ANKS1B: variants seen among roughly 807,000 people sequenced by gnomAD.
ANKS1B encodes the protein ankyrin repeat and sterile alpha motif domain containing 1B.
In ANKS1B, 36 loss-of-function variants were observed where a neutral mutation model predicts 148.3. That is an observed-to-expected ratio of 0.24 (90% confidence interval 0.19 to 0.32). The LOEUF is 0.32. Among genes scored for constraint, ANKS1B ranks in the 10% least tolerant of loss-of-function variants. ANKS1B has a pLI of 1.00. For synonymous variants in ANKS1B, 542 were observed against 560.8 expected (o/e 0.97, Z 0.47); for missense variants, 1,157 against 1,542.6 (o/e 0.75, Z 4.19).
intron 9 of ANKS1B, among the ~76,000 whole-genome samples, chr12:99,561,266 C>G (rs915644984): frequency 1.3e-5 from 2 of 152,196 alleles, no homozygotes; most frequent in African/African-American, 4.8e-5. Flanking sequence ...AGCAGAACTT[C>G]TTTCAAAATC....
chr12:99,134,772 T>C (rs1379147639), intron 15 of ANKS1B, among the ~76,000 whole-genome samples: 1 of 151,608 alleles, frequency 6.6e-6, no homozygotes, highest in Non-Finnish European at 1.5e-5. Flanking sequence ...TTAAAAAGCC[T>C]TTCTGGGGAG....
intron 17 of ANKS1B, among the ~76,000 whole-genome samples, chr12:98,975,470 T>C (rs1053481894): frequency 1.7e-4 from 26 of 152,134 alleles, no homozygotes; most frequent in African/African-American, 4.8e-4. Context: ...CGAATGTTTT[T>C]TGAGTGACTA....
chr12:99,632,768 T>TATATA (rs1282777183), intron 9 of ANKS1B, among the ~76,000 whole-genome samples: 1 of 100,424 alleles, frequency 1.0e-5, no homozygotes, highest in African/African-American at 3.4e-5. Context: ...TATATATATA[T>TATATA]TTTAATTATA....
intron 8 of ANKS1B, among the ~76,000 whole-genome samples, chr12:99,740,459 C>T (rs1228979768): frequency 1.3e-5 from 2 of 152,164 alleles, no homozygotes; most frequent in Non-Finnish European, 2.9e-5. Context: ...GGCTTACACA[C>T]AGCATGTCAG....
intron 25 of ANKS1B, among the ~76,000 whole-genome samples, chr12:98,753,718 G>T (rs1460312342): frequency 6.6e-6 from 1 of 152,166 alleles, no homozygotes; most frequent in Admixed American, 6.6e-5. Context: ...AAGCCACCGT[G>T]CCTGACCATC....
chr12:99,896,816 C>G (rs73376116), intron 1 of ANKS1B, among the ~76,000 whole-genome samples: 1 of 151,202 alleles, frequency 6.6e-6, no homozygotes, highest in Non-Finnish European at 1.5e-5. Flanking sequence ...TCTGTGCCTA[C>G]GGAATAGAAG....
chr12:99,929,924 G>C (rs2153807195), intron 1 of ANKS1B, among the ~76,000 whole-genome samples: 1 of 152,114 alleles, frequency 6.6e-6, no homozygotes, highest in South Asian at 2.1e-4. Context: ...TTTGAAGTCA[G>C]GTAGCATGAT....
intron 15 of ANKS1B, among the ~76,000 whole-genome samples, chr12:99,129,682 GTTAAAACT>G (rs2065522552): frequency 1.3e-5 from 2 of 152,146 alleles, no homozygotes; most frequent in Admixed American, 1.3e-4. Flanking sequence ...GAAAAACTGG[GTTAAAACT>G]TTAAAGTCTT....
At chr12:99,195,736 A>G (rs1400742790) in intron 14 of ANKS1B, among the ~76,000 whole-genome samples, 1 of 152,136 alleles carries the variant, frequency 6.6e-6, no homozygotes, top group Non-Finnish European at 1.5e-5. Flanking sequence ...TAAATGACAC[A>G]CTTTGCTCCT....
intron 9 of ANKS1B, among the ~76,000 whole-genome samples, chr12:99,625,355 C>G (rs1425335054): frequency 6.6e-6 from 1 of 151,974 alleles, no homozygotes; most frequent in Non-Finnish European, 1.5e-5. Context: ...ATTCTTGTAG[C>G]AAATCTGCAC....
At chr12:99,426,362 C>T (rs1401213006) in intron 11 of ANKS1B, among the ~76,000 whole-genome samples, 1 of 151,882 alleles carries the variant, frequency 6.6e-6, no homozygotes, top group Non-Finnish European at 1.5e-5. Flanking sequence ...ATATAAAATA[C>T]TTTTGGATCT....
intron 1 of ANKS1B, among the ~76,000 whole-genome samples, chr12:99,931,044 G>C (rs1402437161): frequency 6.6e-6 from 1 of 152,150 alleles, no homozygotes; most frequent in South Asian, 2.1e-4. Flanking sequence ...CCTTTGTAGG[G>C]ACATGGATGA....
rs1014111932 is a variant in ANKS1B, at chr12:99,838,111, C to G, written c.135-12722G>C. Among the ~76,000 whole-genome samples the G allele has an allele frequency of 2.6e-5, 4 of 152,046 alleles. No homozygotes were observed. In the East Asian group the frequency reaches 7.7e-4, roughly 29 times the overall value. Reference sequence around the variant, plus strand: ...GTTGCCAAAGACATTATTTCATTCTCTTTTACAGCTGTATAGTATCCCATT... The same window carrying G: ...GTTGCCAAAGACATTATTTCATTCTGTTTTACAGCTGTATAGTATCCCATT... On this transcript the variant is annotated intron_variant, in intron 1 of 26. Transcript: ENST00000683438.
intron 12 of ANKS1B, among the ~76,000 whole-genome samples, chr12:99,375,494 G>A (rs182063570): frequency 2.0e-5 from 3 of 152,244 alleles, no homozygotes; most frequent in African/African-American, 7.2e-5. Flanking sequence ...ATTAGAAAAT[G>A]TACTTAGCTT....
chr12:99,437,436 A>G (rs2095479632), intron 11 of ANKS1B, among the ~76,000 whole-genome samples: 1 of 151,954 alleles, frequency 6.6e-6, no homozygotes, highest in Non-Finnish European at 1.5e-5. Flanking sequence ...TATGCTCATT[A>G]TGCTAAAAAT....
chr12:99,369,920 A>G (rs1044220383), intron 12 of ANKS1B, among the ~76,000 whole-genome samples: 1 of 151,976 alleles, frequency 6.6e-6, no homozygotes, highest in Non-Finnish European at 1.5e-5. Flanking sequence ...TAACTCTTGA[A>G]TGTAGGTTGT....
At chr12:99,154,721 G>T (rs1228197776) in intron 14 of ANKS1B, 2 of 1,439,006 alleles carry the variant, frequency 1.4e-6, no homozygotes, top group East Asian at 5.0e-5. Context: ...GCTTGGGCTG[G>T]TCTGCGTTCT....
chr12:99,800,772 A>G (rs7971284), intron 4 of ANKS1B, among the ~76,000 whole-genome samples: 17,276 of 152,142 alleles, frequency 0.11, 1,125 homozygotes, highest in African/African-American at 0.15. Context: ...CATCTGATAG[A>G]TATGTCCAGT....
chr12:99,426,561 G>C (rs2095259060), intron 11 of ANKS1B, among the ~76,000 whole-genome samples: 1 of 152,074 alleles, frequency 6.6e-6, no homozygotes, highest in Non-Finnish European at 1.5e-5. Context: ...CTTGGCTAAA[G>C]CAAGAATCCA....
Sources: gnomAD v4.1 joint callset for allele counts (sites outside exome capture counted in the v4.1 genomes callset) on GRCh38, gnomAD v4.1.1 for gene constraint, MANE v1.5 for transcripts, NCBI Gene and HGNC (gene_info 2026-07-23, HGNC 2026-07-21) for gene names.